UNC5A: variants seen among roughly 807,000 people sequenced by gnomAD.
UNC5A encodes the protein netrin receptor UNC5A.
In UNC5A, 20 loss-of-function variants were observed where a neutral mutation model predicts 87.4. The ratio of observed to expected loss-of-function variants is 0.23; its 90% CI spans 0.16 to 0.33. The LOEUF is 0.33. Ranked by LOEUF, UNC5A falls within the 10% of genes least tolerant of loss-of-function variation. The probability of loss-of-function intolerance (pLI) is 1.00; values close to 1 mark genes in which losing one functional copy is unlikely to be tolerated. For missense variants in UNC5A, 844 were observed against 1,133.4 expected (o/e 0.74, Z 3.67); for synonymous variants, 438 against 482.3 (o/e 0.91, Z 1.20).
rs537569728 is a variant in UNC5A, at chr5:176,866,951, C to T, written c.293-1179C>T. Among the ~76,000 whole-genome samples the T allele has an allele frequency of 6.6e-6, 1 of 152,312 alleles. No individual in the cohort carries two copies. Among genetic ancestry groups the T allele is most frequent in the South Asian group, 2.1e-4 (1 of 4,832 alleles). ...ACAAAGTGATAGAAAAATCTGGACA[C>T]CCAGTGTGAGAGCCCAGAGGCTTGT... On this transcript the variant is annotated intron_variant, in intron 2 of 14. Transcript: ENST00000329542. This position sits in a 1 kb window ranked among gnomAD's most constrained non-coding sequence, Gnocchi z 5.0.
chr5:176,880,077 C>T lies in UNC5A; in HGVS notation c.*191C>T. 1 of 730,674 alleles carries T rather than the reference C, an allele frequency of 1.4e-6. No homozygotes were observed. Among genetic ancestry groups the T allele is most frequent in the Non-Finnish European group, 2.1e-6 (1 of 465,486 alleles). The allele number at this position is 730,674 out of a possible 1,614,324, so 45.3% of individuals were successfully genotyped here. On this transcript the variant is annotated 3_prime_UTR_variant, in exon 15 of 15. Transcript: ENST00000329542. Reference sequence around the variant, plus strand: ...CCCACCTCTCCATGGCCTGCCTAGCCAGGCTGGCACTGCCACTCACACTCG... The same window carrying T: ...CCCACCTCTCCATGGCCTGCCTAGCTAGGCTGGCACTGCCACTCACACTCG...
Position 176,841,089 on chromosome 5 carries a change from G to A in UNC5A, c.71-21535G>A, listed in dbSNP as rs1188739480. ...GGTCATGCATTGAAAGCTGTGGCAG[G>A]CAACGGGAGTGTCAGAAACTGTTCT... On this transcript the variant is annotated intron_variant, in intron 1 of 14. Coordinates refer to ENST00000329542, the MANE Select transcript of UNC5A (RefSeq NM_133369.3). This position sits in a 1 kb window ranked among gnomAD's most constrained non-coding sequence, Gnocchi z 4.1. Among the ~76,000 whole-genome samples the A allele has an allele frequency of 3.3e-5, 5 of 152,378 alleles. No individual in the cohort carries two copies. Among genetic ancestry groups the A allele is most frequent in the African/African-American group, 1.2e-4 (5 of 41,584 alleles).
intron 1 of UNC5A, among the ~76,000 whole-genome samples, chr5:176,849,480 G>A (rs1440234877): frequency 6.6e-6 from 1 of 152,196 alleles, no homozygotes; most frequent in Admixed American, 6.5e-5. Flanking sequence ...AGCTACTTGG[G>A]AGGCTGAGGC....
At chr5:176,823,833 T>G (rs1756787433) in intron 1 of UNC5A, among the ~76,000 whole-genome samples, 1 of 152,120 alleles carries the variant, frequency 6.6e-6, no homozygotes, top group African/African-American at 2.4e-5. Flanking sequence ...CTTTGAGAAC[T>G]GGGCTTTCTG....
At chr5:176,867,590 G>A (rs1758004500) in intron 2 of UNC5A, among the ~76,000 whole-genome samples, 2 of 152,184 alleles carry the variant, frequency 1.3e-5, no homozygotes, top group African/African-American at 4.8e-5. Context: ...GAAACCCTAA[G>A]TCCCAGGGCG....
intron 1 of UNC5A, among the ~76,000 whole-genome samples, chr5:176,851,359 C>A (rs1757537046): frequency 6.6e-6 from 1 of 152,218 alleles, no homozygotes; most frequent in Non-Finnish European, 1.5e-5. Flanking sequence ...ACTGTGTAAC[C>A]TCCCAAGTGC....
At chr5:176,819,003 C>T (rs1051521932) in intron 1 of UNC5A, among the ~76,000 whole-genome samples, 1 of 152,220 alleles carries the variant, frequency 6.6e-6, no homozygotes, top group African/African-American at 2.4e-5. Context: ...AAACCACTTT[C>T]TTATAATGAA....
At chr5:176,829,519 GTGGATGGATGGGTGGT>G (rs1169266784) in intron 1 of UNC5A, among the ~76,000 whole-genome samples, 12 of 141,632 alleles carry the variant, frequency 8.5e-5, no homozygotes, top group East Asian at 2.3e-4. Flanking sequence ...GGGTGGATGG[GTGGATGGATGGGTGGT>G]TGGATGGATG....
chr5:176,876,820 C>T (rs1758272610), intron 8 of UNC5A, among the ~76,000 whole-genome samples: 1 of 152,188 alleles, frequency 6.6e-6, no homozygotes. Context: ...CCCTTCAATG[C>T]CAGGCCAGGG....
Position 176,838,232 on chromosome 5 carries a change from G to T in UNC5A, c.71-24392G>T, listed in dbSNP as rs1757191743. On this transcript the variant is annotated intron_variant, in intron 1 of 14. Transcript: ENST00000329542. This position sits in a 1 kb window ranked among gnomAD's most constrained non-coding sequence, Gnocchi z 4.2. Reference sequence around the variant, plus strand: ...GCTGGAGAGGTGGGAAGTAGGGATTGGTGAGGCCTAATTCAGATGGTATTT... The same window carrying T: ...GCTGGAGAGGTGGGAAGTAGGGATTTGTGAGGCCTAATTCAGATGGTATTT... 6.6e-6 allele frequency among the ~76,000 whole-genome samples: 1 copy of T among 152,168 alleles called. No individual in the cohort carries two copies. Among genetic ancestry groups the T allele is most frequent in the Admixed American group, 6.5e-5 (1 of 15,280 alleles).
At chr5:176,825,313 T>C (rs1323404382) in intron 1 of UNC5A, among the ~76,000 whole-genome samples, 1 of 151,562 alleles carries the variant, frequency 6.6e-6, no homozygotes, top group African/African-American at 2.4e-5. Flanking sequence ...GAGAGAGCAG[T>C]AGGGGCCCAG....
chr5:176,834,176 G>A (rs1183512290), intron 1 of UNC5A, among the ~76,000 whole-genome samples: 13 of 152,204 alleles, frequency 8.5e-5, no homozygotes, highest in Non-Finnish European at 1.8e-4. Context: ...CAGTGCACCA[G>A]TGAACCAATG....
intron 1 of UNC5A, among the ~76,000 whole-genome samples, chr5:176,814,972 G>T (rs865787994): frequency 2.6e-5 from 4 of 152,294 alleles, no homozygotes; most frequent in African/African-American, 7.2e-5. Flanking sequence ...CCTGTCCAGG[G>T]TGGGGACCAG....
intron 1 of UNC5A, among the ~76,000 whole-genome samples, chr5:176,836,666 C>T (rs550335794): frequency 4.8e-4 from 73 of 152,158 alleles, no homozygotes; most frequent in African/African-American, 1.8e-3. Context: ...AGAAAGGGCT[C>T]GGAGAAGGGA....
rs535788155 is a variant in UNC5A, at chr5:176,844,468, C to T, written c.71-18156C>T. ...TGTCCCAGCTGAGCGAGAAGGGACACGGGATGATATGAGCTGGCCGTGGGC... is the reference window on the plus strand; with the variant it reads ...TGTCCCAGCTGAGCGAGAAGGGACATGGGATGATATGAGCTGGCCGTGGGC... On this transcript the variant is annotated intron_variant, in intron 1 of 14. Coordinates refer to ENST00000329542, the MANE Select transcript of UNC5A (RefSeq NM_133369.3). The surrounding 1 kb of genome is among the most constrained non-coding windows in gnomAD (Gnocchi z 4.2). Among the ~76,000 whole-genome samples, 2 of 152,240 alleles carry T rather than the reference C, an allele frequency of 1.3e-5. No homozygotes were observed. The highest frequency in any genetic ancestry group is 1.9e-4 in the East Asian group (1 of 5,170).
chr5:176,821,263 C>T (rs1278766550), intron 1 of UNC5A, among the ~76,000 whole-genome samples: 12 of 152,180 alleles, frequency 7.9e-5, no homozygotes, highest in Admixed American at 5.2e-4. Flanking sequence ...TCCTTGGTTT[C>T]GGGCCATCTT....
intron 1 of UNC5A, among the ~76,000 whole-genome samples, chr5:176,833,170 G>A (rs1327820895): frequency 6.6e-6 from 1 of 152,172 alleles, no homozygotes; most frequent in East Asian, 1.9e-4. Flanking sequence ...TTTACTTTAG[G>A]TTCAAGGTGG....
chr5:176,842,855 A>T (rs1757308743), intron 1 of UNC5A, among the ~76,000 whole-genome samples: 1 of 152,112 alleles, frequency 6.6e-6, no homozygotes, highest in Non-Finnish European at 1.5e-5. Context: ...TGGAAAAATA[A>T]TTTTTATTTT....
chr5:176,815,594 C>T (rs1209048520), intron 1 of UNC5A, among the ~76,000 whole-genome samples: 2 of 152,312 alleles, frequency 1.3e-5, no homozygotes, highest in Admixed American at 6.5e-5. Context: ...GGGTGAACCC[C>T]GACACCTAGT....
Sources: gnomAD v4.1 joint callset for allele counts (sites outside exome capture counted in the v4.1 genomes callset) on GRCh38, gnomAD v4.1.1 for gene constraint, Gnocchi (gnomAD v3.1) non-coding constraint, MANE v1.5 for transcripts, NCBI Gene and HGNC (gene_info 2026-07-23, HGNC 2026-07-21) for gene names.